SERF2: variants seen among roughly 807,000 people sequenced by gnomAD.
SERF2 encodes gastric cancer-related protein VRG107.
Under a neutral mutation model 10.7 loss-of-function variants are expected in SERF2, and 4 were observed. That is an observed-to-expected ratio of 0.37 (90% CI 0.18 to 0.86). The LOEUF is 0.86. Among genes scored for constraint, SERF2 ranks in the 40% least tolerant of loss-of-function variants. The probability of loss-of-function intolerance (pLI) is 0.43; values close to 1 mark genes in which losing one functional copy is unlikely to be tolerated. For missense variants in SERF2, 47 were observed against 79.1 expected, an observed-to-expected ratio of 0.59 and a Z score of 1.54; for synonymous variants, 26 against 26.0, an observed-to-expected ratio of 1.00 and a Z score of 0.01.
In SERF2 at chr15:43,795,444, G is replaced by A. The variant is rs147441322; in HGVS notation, c.*1671G>A. ...AGAGTGAGGCAAGGAAGAAGACGAAGTGGAAGGCAGAATAGTTGTAGGAAA... is the reference window on the plus strand; with the variant it reads ...AGAGTGAGGCAAGGAAGAAGACGAAATGGAAGGCAGAATAGTTGTAGGAAA... On this transcript the variant is annotated 3_prime_UTR_variant, in exon 3 of 3. Transcript: ENST00000249786. 647 of 1,614,240 alleles carry A rather than the reference G, an allele frequency of 4.0e-4. 5 individuals carry two copies. The East Asian group carries it at 0.013, about 32-fold the overall frequency.
Position 43,792,340 on chromosome 15 carries a change from GA to G in SERF2, c.-36del, listed in dbSNP as rs749433118. On this transcript the variant is annotated 5_prime_UTR_variant, in exon 1 of 3. Transcript: ENST00000249786. The stretch of plus-strand genomic sequence containing the variant: ...CCTGCAACGTCCGACAGAACGAGGG[GA>G]CGTAACGGAGGCAGGTTGGAGCCGC... 3.9e-6 allele frequency: 6 copies of G among 1,534,254 alleles called. No homozygotes were observed. The East Asian group carries it at 1.1e-4, about 29-fold the overall frequency.
Position 43,793,804 on chromosome 15 carries a change from C to T in SERF2, c.*31C>T, listed in dbSNP as rs753035270. 1.2e-6 allele frequency: 2 copies of T among 1,614,074 alleles called. No individual in the cohort carries two copies. The highest frequency in any genetic ancestry group is 1.7e-5 in the Admixed American group (1 of 60,014). On this transcript the variant is annotated 3_prime_UTR_variant, in exon 3 of 3. Coordinates refer to ENST00000249786, the MANE Select transcript of SERF2 (RefSeq NM_001018108.4). ...TGGCTTCGTGTCCAACCCTCTTGCC[C>T]TTCGCCTGTGTGCCTGGAGCCAGTC... is the stretch of plus-strand genomic sequence containing the variant.
chr15:43,779,762 G>C (rs114010639), intron 1 of SERF2, among the ~76,000 whole-genome samples: 1,851 of 152,222 alleles, frequency 0.012, 33 homozygotes, highest in African/African-American at 0.042. Context: ...AAAGTGCTGA[G>C]ATTTACAGGC....
At position 43,795,049 on chromosome 15, in the gene SERF2, C is replaced by T. The variant is rs778250947; in HGVS notation, c.*1276C>T. Reference sequence around the variant, plus strand: ...TGGGGATATGATGCGGTGGCGGCGGCGCCTCAAGATAAGGGGCTGGGGTTT... The same window carrying T: ...TGGGGATATGATGCGGTGGCGGCGGTGCCTCAAGATAAGGGGCTGGGGTTT... On this transcript the variant is annotated 3_prime_UTR_variant, in exon 3 of 3. Coordinates refer to ENST00000249786, the MANE Select transcript of SERF2 (RefSeq NM_001018108.4). 62 of 1,612,474 alleles carry T rather than the reference C, an allele frequency of 3.8e-5. No individual in the cohort carries two copies. The highest frequency in any genetic ancestry group is 1.9e-4 in the Middle Eastern group (1 of 5,178).
chr15:43,788,372 C>T (rs1029353574), upstream of SERF2, among the ~76,000 whole-genome samples: 3 of 150,844 alleles, frequency 2.0e-5, no homozygotes, highest in East Asian at 3.9e-4. Context: ...GTGATCGGCC[C>T]GCCTCGGTCT....
chr15:43,786,931 T>C (rs1443831933), intron 2 of SERF2, among the ~76,000 whole-genome samples: 1 of 152,056 alleles, frequency 6.6e-6, no homozygotes, highest in East Asian at 1.9e-4. Flanking sequence ...GGCCACATGC[T>C]CACTCCTGAA....
In SERF2 at chr15:43,795,161, A is replaced by G; in HGVS notation, c.*1388A>G. 1 of 1,614,168 alleles carries G rather than the reference A, an allele frequency of 6.2e-7. No individual in the cohort carries two copies. The highest frequency in any genetic ancestry group is 1.3e-5 in the African/African-American group (1 of 75,026). On this transcript the variant is annotated 3_prime_UTR_variant, in exon 3 of 3. Transcript: ENST00000249786. ...CAGCATGAGGCAACCTTGACCCAGAAGGTGGCCCAGCTACCCTTGATGAAG... is the reference window on the plus strand; with the variant it reads ...CAGCATGAGGCAACCTTGACCCAGAGGGTGGCCCAGCTACCCTTGATGAAG...
At chr15:43,790,162 A>T (rs1364759491), upstream of SERF2, among the ~76,000 whole-genome samples, 2 of 149,882 alleles carry the variant, frequency 1.3e-5, no homozygotes, top group Admixed American at 1.3e-4. Flanking sequence ...AAAAAAAATT[A>T]TCCGGGCGTG....
intron 1 of SERF2, among the ~76,000 whole-genome samples, chr15:43,778,824 C>T (rs930352504): frequency 2.0e-5 from 3 of 151,948 alleles, no homozygotes; most frequent in Non-Finnish European, 4.4e-5. Context: ...ATCGCTTGAG[C>T]CCCAGAGGTG....
At chr15:43,793,264 G>A in intron 2 of SERF2, 181 bp downstream of exon 2, 1 of 586,202 alleles carries the variant, frequency 1.7e-6, no homozygotes, top group South Asian at 2.3e-5. Context: ...CAGCCTTACA[G>A]GAAAGGACGG....
chr15:43,781,782 A>G (rs1170115131), intron 1 of SERF2, among the ~76,000 whole-genome samples: 3 of 151,590 alleles, frequency 2.0e-5, no homozygotes, highest in African/African-American at 7.2e-5. Flanking sequence ...GGGTTTCACC[A>G]TGTTGCCCAG....
rs1006787693 is a variant in SERF2, at chr15:43,794,132, T to C, written c.*359T>C. 1 of 655,350 alleles carries C rather than the reference T, an allele frequency of 1.5e-6. No homozygotes were observed. Among genetic ancestry groups the C allele is most frequent in the East Asian group, 2.8e-5 (1 of 35,906 alleles). 40.6% of individuals were successfully genotyped at this position (655,350 alleles called of 1,614,324 possible). On this transcript the variant is annotated 3_prime_UTR_variant, in exon 3 of 3. Coordinates refer to ENST00000249786, the MANE Select transcript of SERF2 (RefSeq NM_001018108.4). ...TCCCACCAAAAAAGGGAGAACTCTTTAGATTCAGATTGTGGGTATGTAGAC... is the reference window on the plus strand; with the variant it reads ...TCCCACCAAAAAAGGGAGAACTCTTCAGATTCAGATTGTGGGTATGTAGAC...
At chr15:43,781,802 G>A (rs1020349945) in intron 1 of SERF2, among the ~76,000 whole-genome samples, 5 of 151,300 alleles carry the variant, frequency 3.3e-5, no homozygotes, top group African/African-American at 9.7e-5. Context: ...GGCTGGTCTC[G>A]AACTCCTGGA....
In SERF2 at chr15:43,793,057, G is replaced by C; in HGVS notation, c.90G>C (p.Gly30=). 1 of 1,612,638 alleles carries C rather than the reference G, an allele frequency of 6.2e-7. No homozygotes were observed. Among genetic ancestry groups the C allele is most frequent in the Non-Finnish European group, 8.5e-7 (1 of 1,178,842 alleles). Residue 30 remains glycine (G), a synonymous_variant, in exon 2 of 3, where the codon GGG becomes GGC. Coordinates refer to ENST00000249786, the MANE Select transcript of SERF2 (RefSeq NM_001018108.4). The part of the protein sequence containing the change: ...DSVKGKRRDD[G]LSAAARKQRD... ...TTAAGGGAAAGCGCCGAGATGACGGGCTTTCTGCTGCCGCCCGCAAGCAGA... is the reference window on the plus strand; with the variant it reads ...TTAAGGGAAAGCGCCGAGATGACGGCCTTTCTGCTGCCGCCCGCAAGCAGA...
intron 2 of SERF2, among the ~76,000 whole-genome samples, chr15:43,787,223 T>G (rs980292559): frequency 2.0e-5 from 3 of 151,964 alleles, no homozygotes; most frequent in Non-Finnish European, 4.4e-5. Flanking sequence ...ATGGTCTTGA[T>G]CTCCTGACCT....
chr15:43,792,467 G>A, intron 1 of SERF2, 84 bp downstream of exon 1: 6 of 1,610,168 alleles, frequency 3.7e-6, no homozygotes, highest in South Asian at 3.3e-5. Flanking sequence ...TTGACCTTCC[G>A]TAGCTTCCCT....
chr15:43,795,758 TTGGAA>T lies in SERF2; in HGVS notation c.*1989_*1993del. The T allele has an allele frequency of 6.2e-7, 1 of 1,612,376 alleles. No homozygotes were observed. Among genetic ancestry groups the T allele is most frequent in the Non-Finnish European group, 8.5e-7 (1 of 1,179,034 alleles). Reference sequence around the variant, plus strand: ...GCTTCTGCAAAACAGAACGCAGGTTTTGGAATGGTCTTAAAAGATGTGAGGGTGTT... The same window carrying T: ...GCTTCTGCAAAACAGAACGCAGGTTTTGGTCTTAAAAGATGTGAGGGTGTT... On this transcript the variant is annotated 3_prime_UTR_variant, in exon 3 of 3. Coordinates refer to ENST00000249786, the MANE Select transcript of SERF2 (RefSeq NM_001018108.4).
At chr15:43,787,714 T>C (rs2087019251), upstream of SERF2, among the ~76,000 whole-genome samples, 1 of 151,572 alleles carries the variant, frequency 6.6e-6, no homozygotes, top group Non-Finnish European at 1.5e-5. Context: ...TTTTTTTTTT[T>C]TTGAGACAGG....
At chr15:43,792,254 C>T (rs2087075236), upstream of SERF2, 6 of 872,862 alleles carry the variant, frequency 6.9e-6, no homozygotes, top group South Asian at 4.0e-5. Context: ...GAGCCGGCTC[C>T]CGGGCGCGAA....
Sources: allele counts gnomAD v4.1 joint callset (sites outside exome capture counted in the v4.1 genomes callset), GRCh38; gene constraint gnomAD v4.1.1; transcripts MANE v1.5; gene names NCBI Gene and HGNC (gene_info 2026-07-23, HGNC 2026-07-21).